Variants in SNTG2 observed in about 807,000 individuals in gnomAD.
The protein encoded by SNTG2 is gamma-2-syntrophin.
In SNTG2, 74 loss-of-function variants were observed where a neutral mutation model predicts 70.9. That is an observed-to-expected ratio of 1.04 (90% CI 0.86 to 1.27). The LOEUF (loss-of-function observed/expected upper bound fraction) is 1.27, where lower values mean the gene tolerates loss of function less well. Ranked by LOEUF, SNTG2 falls within the 50% of genes most tolerant of loss-of-function variation. SNTG2 has a pLI of 0.00. For synonymous variants in SNTG2, 278 were observed against 273.8 expected, an observed-to-expected ratio of 1.02 and a Z score of -0.15; for missense variants, 717 against 690.7, an observed-to-expected ratio of 1.04 and a Z score of -0.43.
At chr2:1,285,009 A>C (rs1000860884) in intron 14 of SNTG2, among the ~76,000 whole-genome samples, 2 of 151,996 alleles carry the variant, frequency 1.3e-5, no homozygotes, top group African/African-American at 4.8e-5. Context: ...ATTAACTCAC[A>C]CGATCACAAG....
intron 4 of SNTG2, among the ~76,000 whole-genome samples, chr2:1,106,385 T>G (rs1429371424): frequency 1.1e-5 from 1 of 94,922 alleles, no homozygotes. Context: ...TAATAGTGGA[T>G]GCGTGCTGTC....
chr2:1,230,991 G>A (rs1676190526), intron 9 of SNTG2, among the ~76,000 whole-genome samples: 1 of 151,958 alleles, frequency 6.6e-6, no homozygotes, highest in African/African-American at 2.4e-5. Flanking sequence ...CTGCGAGAGG[G>A]AAATAGATCC....
intron 12 of SNTG2, among the ~76,000 whole-genome samples, chr2:1,255,052 G>A (rs755765621): frequency 1.2e-4 from 18 of 152,164 alleles, no homozygotes; most frequent in Non-Finnish European, 2.5e-4. Context: ...AACATAAGAG[G>A]TGCGGTCCTG....
chr2:1,355,955 C>T (rs865965729), intron 16 of SNTG2, among the ~76,000 whole-genome samples: 1 of 152,190 alleles, frequency 6.6e-6, no homozygotes, highest in African/African-American at 2.4e-5. Context: ...ATGTGAATGC[C>T]TTTTCATGTT....
intron 14 of SNTG2, among the ~76,000 whole-genome samples, chr2:1,269,349 C>G (rs1678905700): frequency 6.6e-6 from 1 of 152,034 alleles, no homozygotes; most frequent in South Asian, 2.1e-4. Context: ...AGCCCCATCT[C>G]TGCAAAAAAT....
chr2:1,028,859 C>T (rs574101521), intron 1 of SNTG2, among the ~76,000 whole-genome samples: 7 of 151,998 alleles, frequency 4.6e-5, no homozygotes, highest in Non-Finnish European at 7.4e-5. Flanking sequence ...CTATATTACA[C>T]GCTTTTACAG....
At chr2:1,294,582 A>G (rs1680123198) in intron 14 of SNTG2, among the ~76,000 whole-genome samples, 1 of 152,240 alleles carries the variant, frequency 6.6e-6, no homozygotes, top group Non-Finnish European at 1.5e-5. Context: ...ATCTCCAATC[A>G]GAAATGCAGA....
chr2:1,185,478 G>C (rs1388277308), intron 8 of SNTG2, among the ~76,000 whole-genome samples: 2 of 152,156 alleles, frequency 1.3e-5, no homozygotes, highest in Admixed American at 1.3e-4. Flanking sequence ...CCCTGCAGCA[G>C]ACTTCTGCCT....
At chr2:1,222,464 G>C (rs115262892) in intron 9 of SNTG2, among the ~76,000 whole-genome samples, 3 of 142,160 alleles carry the variant, frequency 2.1e-5, no homozygotes, top group African/African-American at 8.2e-5. Context: ...TTAAGCTGGA[G>C]GTGCTGGATC....
At chr2:1,321,336 C>T (rs145638994) in intron 16 of SNTG2, among the ~76,000 whole-genome samples, 79 of 152,232 alleles carry the variant, frequency 5.2e-4, no homozygotes, top group Non-Finnish European at 8.7e-4. Context: ...GAAACACTAC[C>T]GTGTATTTTT....
Position 1,228,614 on chromosome 2 carries a change from G to A in SNTG2, c.720-9274G>A, listed in dbSNP as rs117992163. 3.0e-4 allele frequency among the ~76,000 whole-genome samples: 45 copies of A among 152,314 alleles called. No homozygotes were observed. In the East Asian group the frequency reaches 6.2e-3, roughly 21 times the overall value. On this transcript the variant is annotated intron_variant, in intron 9 of 16. Coordinates refer to ENST00000308624, the MANE Select transcript of SNTG2 (RefSeq NM_018968.4). ...GCTGTGGACTAAAGGGACAGGAGCC[G>A]ACTTTGGTGTTGGGTAAAAGCGCGG...
intron 6 of SNTG2, among the ~76,000 whole-genome samples, chr2:1,142,421 C>T (rs1481023038): frequency 1.3e-5 from 2 of 152,230 alleles, no homozygotes; most frequent in East Asian, 3.9e-4. Context: ...TGGCATAGCC[C>T]AGTACCATGC....
At chr2:1,291,582 G>T (rs1679995595) in intron 14 of SNTG2, among the ~76,000 whole-genome samples, 1 of 152,134 alleles carries the variant, frequency 6.6e-6, no homozygotes, top group African/African-American at 2.4e-5. Flanking sequence ...AGTTTTCCCA[G>T]CACCATTTAT....
chr2:1,297,656 GC>G (rs539064042), intron 14 of SNTG2, among the ~76,000 whole-genome samples: 235 of 152,322 alleles, frequency 1.5e-3, no homozygotes, highest in South Asian at 6.0e-3. Context: ...TTCCTTCCTG[GC>G]TCTTGTAGGT....
At chr2:1,067,902 G>C (rs1272153814) in intron 1 of SNTG2, among the ~76,000 whole-genome samples, 1 of 152,180 alleles carries the variant, frequency 6.6e-6, no homozygotes, top group Non-Finnish European at 1.5e-5. Flanking sequence ...GGAAGTGCAG[G>C]CTTATGGGTC....
At chr2:987,565 G>C (rs1661366909) in intron 1 of SNTG2, among the ~76,000 whole-genome samples, 1 of 152,126 alleles carries the variant, frequency 6.6e-6, no homozygotes, top group African/African-American at 2.4e-5. Context: ...CTAGCGGCTG[G>C]AGAAAGCAAG....
intron 4 of SNTG2, among the ~76,000 whole-genome samples, chr2:1,129,132 G>A (rs986875385): frequency 6.6e-6 from 1 of 152,144 alleles, no homozygotes; most frequent in Non-Finnish European, 1.5e-5. Flanking sequence ...GAGACAGTTG[G>A]TTCTTGAGAT....
chr2:1,221,910 T>C (rs1334585397), intron 9 of SNTG2, among the ~76,000 whole-genome samples: 3 of 6,002 alleles, frequency 5.0e-4, no homozygotes, highest in Non-Finnish European at 6.1e-4. Context: ...TCTGTCTCTG[T>C]CTCTGTCTCT....
intron 1 of SNTG2, among the ~76,000 whole-genome samples, chr2:1,050,776 T>C (rs1388175517): frequency 1.3e-5 from 2 of 152,220 alleles, no homozygotes; most frequent in African/African-American, 4.8e-5. Flanking sequence ...AAGTGACAAC[T>C]TGAAAATAAT....
Sources: allele counts gnomAD v4.1 joint callset (sites outside exome capture counted in the v4.1 genomes callset), GRCh38; gene constraint gnomAD v4.1.1; transcripts MANE v1.5; gene names NCBI Gene and HGNC (gene_info 2026-07-23, HGNC 2026-07-21).